The following DYM variants were observed in gnomAD, a reference collection of about 807,000 sequenced individuals.
DYM encodes dyggve-Melchior-Clausen syndrome protein.
Under a neutral mutation model 93.1 loss-of-function variants are expected in DYM, and 78 were observed. The ratio of observed to expected loss-of-function variants is 0.84; its 90% CI spans 0.70 to 1.01. The LOEUF (loss-of-function observed/expected upper bound fraction) is 1.01. Among genes scored for constraint, DYM ranks in the 50% least tolerant of loss-of-function variants. The pLI is 0.00. For missense variants in DYM, 789 were observed against 845.0 expected (o/e 0.93, Z 0.82); for synonymous variants, 321 against 319.7 (o/e 1.00, Z -0.04).
intron 2 of DYM, among the ~76,000 whole-genome samples, chr18:49,398,402 T>C (rs1030760290): frequency 7.9e-5 from 12 of 152,156 alleles, no homozygotes; most frequent in African/African-American, 2.7e-4. Flanking sequence ...AGTCCAGGGA[T>C]AGACATCTAA....
At chr18:49,321,257 C>A in intron 8 of DYM, 2 of 397,276 alleles carry the variant, frequency 5.0e-6, no homozygotes, top group Non-Finnish European at 8.9e-6. Context: ...GTCTCAGAAA[C>A]TTATCCCAGG....
intron 13 of DYM, among the ~76,000 whole-genome samples, chr18:49,233,924 A>T (rs982675499): frequency 6.6e-6 from 1 of 151,970 alleles, no homozygotes; most frequent in Non-Finnish European, 1.5e-5. Context: ...CAAGAGATCG[A>T]GACCATCCTG....
intron 13 of DYM, among the ~76,000 whole-genome samples, chr18:49,236,491 T>A (rs3934440): frequency 0.23 from 32,395 of 139,984 alleles, 4,186 homozygotes; most frequent in East Asian, 0.35. Flanking sequence ...AAAAAAAAAA[T>A]AAATAAATAA....
chr18:49,123,665 T>C (rs2082569076), intron 15 of DYM, among the ~76,000 whole-genome samples: 1 of 152,186 alleles, frequency 6.6e-6, no homozygotes, highest in Non-Finnish European at 1.5e-5. Flanking sequence ...ATTTTGGGAT[T>C]TGGCTATGTG....
chr18:49,223,854 G>C (rs558875990), intron 13 of DYM, among the ~76,000 whole-genome samples: 1 of 152,130 alleles, frequency 6.6e-6, no homozygotes, highest in Non-Finnish European at 1.5e-5. Flanking sequence ...AGGACAATGT[G>C]TAAGGAGCTG....
At chr18:49,222,388 T>C (rs7237991) in intron 13 of DYM, among the ~76,000 whole-genome samples, 27,225 of 151,968 alleles carry the variant, frequency 0.18, 2,649 homozygotes, top group Admixed American at 0.25. Flanking sequence ...ACCAACAACG[T>C]TGTGGCTTCT....
chr18:49,273,211 C>T (rs1056094119), intron 10 of DYM, among the ~76,000 whole-genome samples: 41 of 152,128 alleles, frequency 2.7e-4, no homozygotes, highest in African/African-American at 9.2e-4. Flanking sequence ...TGTTCTTTTA[C>T]AAGTTGTAGC....
chr18:49,270,812 G>A (rs1278949964), intron 11 of DYM, among the ~76,000 whole-genome samples: 4 of 152,048 alleles, frequency 2.6e-5, no homozygotes, highest in African/African-American at 9.7e-5. Context: ...ATGACTTAAG[G>A]GAACATTAGA....
At chr18:49,251,658 C>T (rs2094290499) in intron 13 of DYM, among the ~76,000 whole-genome samples, 1 of 152,156 alleles carries the variant, frequency 6.6e-6, no homozygotes, top group Non-Finnish European at 1.5e-5. Flanking sequence ...TTCATCCTCA[C>T]CATAATCCTT....
intron 13 of DYM, among the ~76,000 whole-genome samples, chr18:49,217,605 T>C (rs780783711): frequency 3.4e-4 from 51 of 152,224 alleles, no homozygotes; most frequent in Non-Finnish European, 6.5e-4. Context: ...ATAGTCAACA[T>C]TCTTAAAGAA....
In DYM at chr18:49,315,337, C is replaced by G. The variant is rs76457344; in HGVS notation, c.763+16527G>C. 9.9e-5 allele frequency among the ~76,000 whole-genome samples: 15 copies of G among 152,230 alleles called. No homozygotes were observed. In the East Asian group the frequency reaches 1.7e-3, roughly 18 times the overall value. ...GTATGGTATTTTTATCATTCAATATCAGAACTACATCTAACCTGCCTACCG... is the reference window on the plus strand; with the variant it reads ...GTATGGTATTTTTATCATTCAATATGAGAACTACATCTAACCTGCCTACCG... On this transcript the variant is annotated intron_variant, in intron 8 of 17. Transcript: ENST00000675505.
intron 15 of DYM, among the ~76,000 whole-genome samples, chr18:49,120,078 CAAAA>C (rs71165367): frequency 7.1e-5 from 4 of 56,176 alleles, no homozygotes; most frequent in Non-Finnish European, 7.8e-5. Context: ...GATCCTGTCT[CAAAA>C]AAAAAAAAAA....
intron 4 of DYM, 101 bp from the exon 5 acceptor site, chr18:49,378,801 A>T (rs1329576826): frequency 8.2e-7 from 1 of 1,212,262 alleles, no homozygotes; most frequent in East Asian, 2.5e-5. Flanking sequence ...CGTTTTGTCC[A>T]TCCTATTGGT....
rs2082073048 is a variant in DYM, at chr18:49,446,101, A to T, written c.-54+14297T>A. On this transcript the variant is annotated intron_variant, in intron 1 of 17. Transcript: ENST00000675505. ...AATTTAGGCAGATTTATAAACGCAG[A>T]GGTAAGAATCAAAAGAAAAAGCTTA... Among the ~76,000 whole-genome samples the T allele has an allele frequency of 2.6e-5, 4 of 152,198 alleles. 1 individual carries two copies. The South Asian group carries it at 8.3e-4, about 31-fold the overall frequency.
At chr18:49,328,596 T>A (rs1373044245) in intron 8 of DYM, among the ~76,000 whole-genome samples, 1 of 151,534 alleles carries the variant, frequency 6.6e-6, no homozygotes, top group Non-Finnish European at 1.5e-5. Flanking sequence ...AGAAAAAAAA[T>A]CAAACAACCC....
chr18:49,302,961 T>G (rs2061036712), intron 8 of DYM, among the ~76,000 whole-genome samples: 1 of 152,250 alleles, frequency 6.6e-6, no homozygotes, highest in African/African-American at 2.4e-5. Flanking sequence ...TTAACAGGCC[T>G]AAATTCAATC....
At chr18:49,310,538 T>C (rs1269184026) in intron 8 of DYM, among the ~76,000 whole-genome samples, 1 of 152,194 alleles carries the variant, frequency 6.6e-6, no homozygotes, top group African/African-American at 2.4e-5. Flanking sequence ...TTGCCACACA[T>C]ACATAGAAGA....
chr18:49,359,778 A>C (rs1408972625), intron 6 of DYM: 2 of 152,348 alleles, frequency 1.3e-5, no homozygotes, highest in African/African-American at 4.8e-5. Flanking sequence ...TGAATTACCA[A>C]TGTGAAATGT....
chr18:49,448,657 G>GA (rs2082291487), intron 1 of DYM, among the ~76,000 whole-genome samples: 1 of 152,144 alleles, frequency 6.6e-6, no homozygotes, highest in Non-Finnish European at 1.5e-5. Flanking sequence ...AAGCAGGGGG[G>GA]ATGCCCCCAC....
Sources: allele counts gnomAD v4.1 joint callset (sites outside exome capture counted in the v4.1 genomes callset), GRCh38; gene constraint gnomAD v4.1.1; transcripts MANE v1.5; gene names NCBI Gene and HGNC (gene_info 2026-07-23, HGNC 2026-07-21).